Variants in FBN2 observed in about 807,000 individuals in gnomAD.
FBN2 encodes fibrillin 2.
Under a neutral mutation model 355.6 loss-of-function variants are expected in FBN2, and 105 were observed. That is an observed-to-expected ratio of 0.30 (90% CI 0.25 to 0.35). FBN2 has a LOEUF of 0.35. Ranked by LOEUF, FBN2 falls within the 10% of genes least tolerant of loss-of-function variation. The pLI, the probability that FBN2 is intolerant of heterozygous loss-of-function variation, is 1.00. For missense variants in FBN2, 3,280 were observed against 3,758.7 expected (o/e 0.87, Z 3.33); for synonymous variants, 1,350 against 1,301.2 (o/e 1.04, Z -0.81).
chr5:128,493,485 C>A (rs143373056), intron 5 of FBN2, among the ~76,000 whole-genome samples: 45 of 152,226 alleles, frequency 3.0e-4, no homozygotes, highest in Admixed American at 1.4e-3. Flanking sequence ...CCATCAAAAC[C>A]TCACAACTCC....
At chr5:128,275,442 ATTT>A (rs57791023) in intron 59 of FBN2, among the ~76,000 whole-genome samples, 2 of 144,710 alleles carry the variant, frequency 1.4e-5, no homozygotes. Flanking sequence ...GCTTGCTATT[ATTT>A]TTTTTTTTTT....
At chr5:128,311,221 G>T in intron 39 of FBN2, 79 bp downstream of exon 39, 1 of 1,472,290 alleles carries the variant, frequency 6.8e-7, no homozygotes, top group Non-Finnish European at 9.5e-7. Context: ...AGAATGTGAG[G>T]ATGGGCCTTT....
In FBN2 at chr5:128,509,362, C is replaced by G. The variant is rs533939067; in HGVS notation, c.628+9911G>C. 9.2e-5 allele frequency among the ~76,000 whole-genome samples: 14 copies of G among 152,200 alleles called. No homozygotes were observed. In the South Asian group the frequency reaches 2.3e-3, roughly 25 times the overall value. ...CGTCTTTTCGCCTATAATGTCTCAT[C>G]TCCCATTAATCCCATCCAGAAAAAT... On this transcript the variant is annotated intron_variant, in intron 5 of 64. Coordinates refer to ENST00000262464, the MANE Select transcript of FBN2 (RefSeq NM_001999.4).
chr5:128,327,572 A>ATTT (rs61333538), intron 34 of FBN2, among the ~76,000 whole-genome samples: 1 of 138,220 alleles, frequency 7.2e-6, no homozygotes. Context: ...GCAGTTAGGT[A>ATTT]TTTTTTTTTT....
Position 128,530,611 on chromosome 5 carries a change from G to C in FBN2, c.420C>G (p.Thr140=). The change falls in exon 3 of 65, where the codon ACC becomes ACG. Residue 140 remains threonine (T), a synonymous_variant. Coordinates refer to ENST00000262464, the MANE Select transcript of FBN2 (RefSeq NM_001999.4). ...GAAACATACTTGATTTTGATCCACA[G>C]GTTGATGATATTTGCCCACTGGAAC... is the stretch of plus-strand genomic sequence containing the variant. The part of the protein sequence containing the change: ...CTCSSGQISS[T]CGSKSIQQCS... 6 of 1,610,646 alleles carry C rather than the reference G, an allele frequency of 3.7e-6. No homozygotes were observed. Among genetic ancestry groups the C allele is most frequent in the South Asian group, 1.1e-5 (1 of 91,014 alleles).
At position 128,484,243 on chromosome 5, in the gene FBN2, G is replaced by A. The variant is rs146606439; in HGVS notation, c.629-19322C>T. ...ATTAGATGAAGGATATTATTTTCAC[G>A]TACTTAGAAATTAAATATTTGCTTC... On this transcript the variant is annotated intron_variant, in intron 5 of 64. Transcript: ENST00000262464. Among the ~76,000 whole-genome samples, 448 of 152,118 alleles carry A rather than the reference G, an allele frequency of 2.9e-3. 2 individuals are homozygous for A. Among genetic ancestry groups the A allele is most frequent in the African/African-American group, 0.01 (422 of 41,476 alleles).
intron 8 of FBN2, among the ~76,000 whole-genome samples, chr5:128,401,311 T>C (rs1213949564): frequency 6.6e-6 from 1 of 152,228 alleles, no homozygotes; most frequent in Non-Finnish European, 1.5e-5. Context: ...TTATTGGCAC[T>C]ACCATGATTC....
intron 50 of FBN2, among the ~76,000 whole-genome samples, chr5:128,290,473 C>G (rs1401614697): frequency 1.3e-5 from 2 of 152,140 alleles, no homozygotes; most frequent in Admixed American, 6.5e-5. Context: ...CTCTCAAATT[C>G]GTACTTTTGA....
At position 128,361,737 on chromosome 5, in the gene FBN2, G is replaced by T; in HGVS notation, c.2540C>A (p.Thr847Lys). The T allele has an allele frequency of 6.2e-7, 1 of 1,614,118 alleles. No homozygotes were observed. Among genetic ancestry groups the T allele is most frequent in the South Asian group, 1.1e-5 (1 of 91,090 alleles). The change falls in exon 19 of 65, where the codon ACA becomes AAA. Residue 847 changes from threonine (T) to lysine (K), a missense_variant. Thr to Lys is a moderately conservative substitution (Grantham distance 78). Coordinates refer to ENST00000262464, the MANE Select transcript of FBN2 (RefSeq NM_001999.4). The stretch of plus-strand genomic sequence containing the variant: ...ACAGCTCTTACCTTCACAGGTCTCT[G>T]TCTCAGTCCTGAACACATACCCTGG... ...CPPGYVFRTE[T>K]ETCEDINECE...
At chr5:128,472,260 C>CA (rs1432230181) in intron 5 of FBN2, among the ~76,000 whole-genome samples, 1 of 151,754 alleles carries the variant, frequency 6.6e-6, no homozygotes, top group Non-Finnish European at 1.5e-5. Context: ...AAGCCAGTCA[C>CA]AAAAGGGGAA....
In FBN2 at chr5:128,498,995, A is replaced by T. The variant is rs1369483; in HGVS notation, c.628+20278T>A. Among the ~76,000 whole-genome samples, 509 of 152,326 alleles carry T rather than the reference A, an allele frequency of 3.3e-3. 12 individuals carry two copies. Among genetic ancestry groups the T allele is most frequent in the Admixed American group, 0.03 (452 of 15,302 alleles). On this transcript the variant is annotated intron_variant, in intron 5 of 64. Coordinates refer to ENST00000262464, the MANE Select transcript of FBN2 (RefSeq NM_001999.4). Reference sequence around the variant, plus strand: ...GTTTATTTGGGTTATTTCTTAGTTTACCACATAGTAACCAAGCCAAGATTC... The same window carrying T: ...GTTTATTTGGGTTATTTCTTAGTTTTCCACATAGTAACCAAGCCAAGATTC...
At chr5:128,374,827 C>CAAG (rs1460515594) in intron 14 of FBN2, 77 bp from the exon 15 acceptor site, 89 of 1,445,294 alleles carry the variant, frequency 6.2e-5, no homozygotes, top group Non-Finnish European at 8.0e-5. Flanking sequence ...GCAGCCACTG[C>CAAG]TCTATACTAC....
chr5:128,376,506 T>C (rs1752081209), intron 14 of FBN2, among the ~76,000 whole-genome samples: 1 of 152,228 alleles, frequency 6.6e-6, no homozygotes, highest in Non-Finnish European at 1.5e-5. Flanking sequence ...TGTCAGTTCC[T>C]TAATTTTTCC....
At chr5:128,425,725 A>G (rs3805652) in intron 7 of FBN2, among the ~76,000 whole-genome samples, 26,822 of 152,154 alleles carry the variant, frequency 0.18, 2,690 homozygotes, top group African/African-American at 0.27. Flanking sequence ...ATTATCATAT[A>G]AATGAGCATT....
intron 7 of FBN2, among the ~76,000 whole-genome samples, chr5:128,437,787 T>C (rs1753809368): frequency 7.4e-6 from 1 of 134,526 alleles, no homozygotes. Flanking sequence ...GATAGATAGA[T>C]AGATAGATAG....
chr5:128,331,358 G>T (rs1750687454), intron 32 of FBN2, among the ~76,000 whole-genome samples: 1 of 152,128 alleles, frequency 6.6e-6, no homozygotes, highest in South Asian at 2.1e-4. Flanking sequence ...ATTCCTTGCA[G>T]AGGGACGAGT....
chr5:128,468,681 C>T (rs1487455454), intron 5 of FBN2, among the ~76,000 whole-genome samples: 1 of 152,104 alleles, frequency 6.6e-6, no homozygotes, highest in African/African-American at 2.4e-5. Context: ...ATTAAATAAA[C>T]ACATTTGCTT....
chr5:128,377,726 T>G (rs748244796), intron 13 of FBN2, 26 bp downstream of exon 13: 2 of 1,612,326 alleles, frequency 1.2e-6, no homozygotes, highest in South Asian at 2.2e-5. Context: ...TAAAATCTTT[T>G]GCAAGGGAGC....
chr5:128,474,467 C>G (rs1288827577), intron 5 of FBN2, among the ~76,000 whole-genome samples: 1 of 152,136 alleles, frequency 6.6e-6, no homozygotes, highest in East Asian at 1.9e-4. Flanking sequence ...AACATTTATC[C>G]ATTATCAATA....
Sources: gnomAD v4.1 joint callset for allele counts (sites outside exome capture counted in the v4.1 genomes callset) on GRCh38, gnomAD v4.1.1 for gene constraint, MANE v1.5 for transcripts, NCBI Gene and HGNC (gene_info 2026-07-23, HGNC 2026-07-21) for gene names.